ORC4: variants seen among roughly 807,000 people sequenced by gnomAD.
ORC4 encodes origin recognition complex, subunit 4 homolog.
Under a neutral mutation model 63.9 loss-of-function variants are expected in ORC4, and 55 were observed. That is an observed-to-expected ratio of 0.86 (90% CI 0.69 to 1.08). The LOEUF (loss-of-function observed/expected upper bound fraction) is 1.08. ORC4 is among the 50% of genes least tolerant of loss of function. The pLI is 0.00. For missense variants in ORC4, 511 were observed against 504.4 expected (o/e 1.01, Z -0.13); for synonymous variants, 150 against 168.5 (o/e 0.89, Z 0.85).
intron 1 of ORC4, among the ~76,000 whole-genome samples, chr2:147,994,954 G>T (rs1691850300): frequency 6.6e-6 from 1 of 152,252 alleles, no homozygotes; most frequent in Non-Finnish European, 1.5e-5. Flanking sequence ...CCTGGGTCGA[G>T]TGGGGACTTG....
chr2:147,978,169 A>G (rs1385436766), intron 1 of ORC4, among the ~76,000 whole-genome samples: 1 of 152,204 alleles, frequency 6.6e-6, no homozygotes, highest in Admixed American at 6.5e-5. Flanking sequence ...TTATGCCAAG[A>G]TTCAGGGTTG....
chr2:147,939,472 C>A (rs947012843), intron 10 of ORC4, among the ~76,000 whole-genome samples: 14 of 152,094 alleles, frequency 9.2e-5, no homozygotes, highest in African/African-American at 3.4e-4. Context: ...CTCTCTCTAA[C>A]CCATCCCAGT....
chr2:147,972,994 A>C (rs1690310058), intron 3 of ORC4, among the ~76,000 whole-genome samples, 165 bp from the exon 4 acceptor site: 1 of 152,190 alleles, frequency 6.6e-6, no homozygotes, highest in East Asian at 1.9e-4. Flanking sequence ...AAAATACAAA[A>C]GAAATAGTAG....
At position 147,945,470 on chromosome 2, in the gene ORC4, AC is replaced by A. The variant is rs555030314; in HGVS notation, c.763-1949del. On this transcript the variant is annotated intron_variant, in intron 9 of 13. Coordinates refer to ENST00000392857, the MANE Select transcript of ORC4 (RefSeq NM_181741.4). ...TTTTTAATTCCATCTTGATTCAAACACTATACTCTATTTGAGGATAAGGCTA... is the reference window on the plus strand; with the variant it reads ...TTTTTAATTCCATCTTGATTCAAACATATACTCTATTTGAGGATAAGGCTA... 5.9e-5 allele frequency among the ~76,000 whole-genome samples: 9 copies of A among 152,212 alleles called. No homozygotes were observed. The East Asian group carries it at 1.7e-3, about 29-fold the overall frequency.
At chr2:147,970,239 A>G (rs368745828) in intron 4 of ORC4, among the ~76,000 whole-genome samples, 2 of 152,222 alleles carry the variant, frequency 1.3e-5, no homozygotes, top group Non-Finnish European at 1.5e-5. Flanking sequence ...AAGACTAAAT[A>G]TAGTTAAGAT....
At chr2:148,021,035 G>C (rs528390918), upstream of ORC4, 9 of 152,452 alleles carry the variant, frequency 5.9e-5, no homozygotes, top group African/African-American at 2.2e-4. Flanking sequence ...CCGTCAGAGA[G>C]GGACATGCGC....
At chr2:147,954,937 T>C (rs1689161248) in intron 7 of ORC4, among the ~76,000 whole-genome samples, 1 of 152,012 alleles carries the variant, frequency 6.6e-6, no homozygotes, top group Non-Finnish European at 1.5e-5. Context: ...ATCTGGATGA[T>C]CATCAAAGTA....
chr2:147,936,366 C>T (rs547410512), intron 13 of ORC4: 1 of 152,334 alleles, frequency 6.6e-6, no homozygotes, highest in Non-Finnish European at 1.5e-5. Context: ...TTAATATTCA[C>T]CTATTATATC....
intron 13 of ORC4, among the ~76,000 whole-genome samples, chr2:147,937,756 G>T (rs986242483): frequency 3.3e-5 from 5 of 152,062 alleles, no homozygotes; most frequent in African/African-American, 1.2e-4. Flanking sequence ...CACTTTCTCT[G>T]TATGCCCTCA....
At position 147,952,399 on chromosome 2, in the gene ORC4, C is replaced by A; in HGVS notation, c.562G>T (p.Ala188Ser). The A allele has an allele frequency of 6.2e-7, 1 of 1,607,294 alleles. No individual in the cohort carries two copies. Residue 188 changes from alanine to serine, a missense_variant, in exon 8 of 14, where the codon GCA becomes TCA. Physicochemically the swap from Ala to Ser is moderately conservative, Grantham distance 99. Transcript: ENST00000392857. The part of the protein sequence containing the change: ...DISQSAQTPI[A>S]VIGLTCRLDI... ...AATCTACATGTAAGACCAATAACTG[C>A]TATTGGGGTCTGTGCAGACTGAGAA...
At chr2:147,966,284 G>T (rs1689888671) in intron 4 of ORC4, among the ~76,000 whole-genome samples, 1 of 151,530 alleles carries the variant, frequency 6.6e-6, no homozygotes, top group South Asian at 2.1e-4. Flanking sequence ...TTCAAATAAA[G>T]AATCTAACAA....
chr2:147,975,300 C>T (rs1369174430), intron 2 of ORC4, among the ~76,000 whole-genome samples: 1 of 152,002 alleles, frequency 6.6e-6, no homozygotes, highest in African/African-American at 2.4e-5. Flanking sequence ...TAAAAACACT[C>T]AACAGATGAG....
At chr2:147,992,351 G>C (rs1691670079) in intron 1 of ORC4, among the ~76,000 whole-genome samples, 1 of 152,096 alleles carries the variant, frequency 6.6e-6, no homozygotes, top group African/African-American at 2.4e-5. Context: ...TGAACTCCTG[G>C]CCTCAAGCAA....
intron 1 of ORC4, among the ~76,000 whole-genome samples, chr2:147,976,394 G>A (rs1207581004): frequency 2.0e-5 from 3 of 152,092 alleles, no homozygotes; most frequent in Non-Finnish European, 4.4e-5. Context: ...CTAGTATACT[G>A]TAAATATAAA....
In ORC4 at chr2:147,938,311, T is replaced by G; in HGVS notation, c.1041A>C (p.Gln347His). 6.2e-7 allele frequency: 1 copy of G among 1,605,874 alleles called. No homozygotes were observed. Among genetic ancestry groups the G allele is most frequent in the Non-Finnish European group, 8.5e-7 (1 of 1,173,256 alleles). Residue 347 changes from glutamine to histidine, a missense_variant, in exon 12 of 14, where the codon CAA becomes CAC. Coordinates refer to ENST00000392857, the MANE Select transcript of ORC4 (RefSeq NM_181741.4). ...GTCTCATCTCACCATTATAGACCAT[T>G]TGAAAATTAAATGGCTCTTCCTCAT... is the stretch of plus-strand genomic sequence containing the variant. ...DIYEEEPFNF[Q>H]MVYNEFQKFV...
At chr2:147,947,576 G>A (rs888750957) in intron 9 of ORC4, 10 of 152,680 alleles carry the variant, frequency 6.5e-5, no homozygotes, top group African/African-American at 2.4e-4. Context: ...TAATATAACT[G>A]GAGGTGCCAC....
At chr2:147,999,616 C>T (rs781536123) in intron 1 of ORC4, among the ~76,000 whole-genome samples, 3 of 152,100 alleles carry the variant, frequency 2.0e-5, no homozygotes, top group Non-Finnish European at 4.4e-5. Flanking sequence ...TTGAGAATCA[C>T]TGACCTAAAG....
In ORC4 at chr2:147,948,169, A is replaced by G. The variant is rs1688757827; in HGVS notation, c.644T>C (p.Ile215Thr). ...RVKSRFSHRQIHLMNSFGFPQ... is the reference protein window; with the variant it reads ...RVKSRFSHRQTHLMNSFGFPQ... ...AAAACCAAATGAATTCATTAAGTGTATCTGCCGGTGAGAAAATCTTGACTT... is the reference window on the plus strand; with the variant it reads ...AAAACCAAATGAATTCATTAAGTGTGTCTGCCGGTGAGAAAATCTTGACTT... The change falls in exon 9 of 14, where the codon ATA (isoleucine) becomes ACA (threonine). Residue 215 changes from isoleucine to threonine, a missense_variant. Coordinates refer to ENST00000392857, the MANE Select transcript of ORC4 (RefSeq NM_181741.4). 6.2e-7 allele frequency: 1 copy of G among 1,610,580 alleles called. No homozygotes were observed. Among genetic ancestry groups the G allele is most frequent in the African/African-American group, 1.3e-5 (1 of 74,940 alleles).
intron 1 of ORC4, among the ~76,000 whole-genome samples, chr2:147,991,942 A>G (rs1691639833): frequency 6.6e-6 from 1 of 152,250 alleles, no homozygotes; most frequent in Admixed American, 6.5e-5. Flanking sequence ...TGAATAAAAA[A>G]GAAATACTAG....
Sources: gnomAD v4.1 joint callset for allele counts (sites outside exome capture counted in the v4.1 genomes callset) on GRCh38, gnomAD v4.1.1 for gene constraint, MANE v1.5 for transcripts, NCBI Gene and HGNC (gene_info 2026-07-23, HGNC 2026-07-21) for gene names.